The following CDX1 variants were observed in gnomAD, a reference collection of about 807,000 sequenced individuals.
CDX1 encodes the protein caudal type homeobox 1.
CDX1 carries 9 observed loss-of-function variants against 16.9 expected under a neutral mutation model. The ratio of observed to expected loss-of-function variants is 0.53; its 90% CI spans 0.32 to 0.93. The LOEUF is 0.93. Ranked by LOEUF, CDX1 falls within the 40% of genes least tolerant of loss-of-function variation. The pLI is 0.04. For synonymous variants in CDX1, 179 were observed against 179.0 expected (o/e 1.00, Z 0.00); for missense variants, 393 against 386.1 (o/e 1.02, Z -0.15).
chr5:150,175,196 G>C (rs971383224), intron 1 of CDX1, among the ~76,000 whole-genome samples: 6 of 152,184 alleles, frequency 3.9e-5, no homozygotes, highest in African/African-American at 1.4e-4. Context: ...ACCATATAAA[G>C]AAAGTATTCA....
At chr5:150,178,846 C>G (rs1434628273) in intron 1 of CDX1, among the ~76,000 whole-genome samples, 2 of 152,078 alleles carry the variant, frequency 1.3e-5, no homozygotes, top group South Asian at 4.1e-4. Context: ...ACTATTCTGT[C>G]TTGCTTTTTT....
chr5:150,182,795 G>C lies in CDX1; in HGVS notation c.473G>C (p.Arg158Pro). The C allele has an allele frequency of 6.2e-7, 1 of 1,603,812 alleles. No individual in the cohort carries two copies. The highest frequency in any genetic ancestry group is 8.5e-7 in the Non-Finnish European group (1 of 1,175,534). Residue 158 changes from arginine (R) to proline (P), a missense_variant, in exon 2 of 3, where the codon CGC becomes CCC. Transcript: ENST00000231656. ...SGKTRTKDKY[R>P]VVYTDHQRLE... ...AAGACTCGGACCAAGGACAAGTACC[G>C]CGTGGTCTACACCGACCACCAACGC...
At position 150,183,607 on chromosome 5, in the gene CDX1, G is replaced by A. The variant is rs757163745; in HGVS notation, c.725G>A (p.Gly242Asp). 208 of 1,609,532 alleles carry A rather than the reference G, an allele frequency of 1.3e-4. No homozygotes were observed. Among genetic ancestry groups the A allele is most frequent in the Middle Eastern group, 1.7e-4 (1 of 6,056 alleles). The change falls in exon 3 of 3, where the codon GGC (glycine) becomes GAC (aspartate). Residue 242 changes from glycine (G) to aspartate (D), a missense_variant. Gly to Asp is a moderately conservative substitution (Grantham distance 94). Coordinates refer to ENST00000231656, the MANE Select transcript of CDX1 (RefSeq NM_001804.3). ...TATPAGPSLG[G>D]LCPSNTSLLA... is the part of the protein sequence containing the mutation. ...ACCCCAGCCGGGCCATCCCTGGGGG[G>A]CCTGTGTCCCAGCAACACCAGCCTC...
chr5:150,177,524 GTT>G (rs35779558), intron 1 of CDX1, among the ~76,000 whole-genome samples: 10,417 of 152,218 alleles, frequency 0.068, 362 homozygotes, highest in Middle Eastern at 0.11. Context: ...TGATTGATAG[GTT>G]CTACTGCTGT....
intron 1 of CDX1, among the ~76,000 whole-genome samples, chr5:150,171,518 AGTAGAGACGGGGTTTCACC>A (rs1309345793): frequency 6.6e-6 from 1 of 152,148 alleles, no homozygotes; most frequent in Admixed American, 6.5e-5. Flanking sequence ...TTGTATTTTT[AGTAGAGACGGGGTTTCACC>A]GTGTTAGCCA....
In CDX1 at chr5:150,167,065, G is replaced by T; in HGVS notation, c.189G>T (p.Ala63=). The change falls in exon 1 of 3, where the codon GCG becomes GCT. Residue 63 remains alanine (A), a synonymous_variant. Transcript: ENST00000231656. ...PAPAPPTAWG[A]PFPAPKDDWA... ...CCGCGCCCCCGACGGCCTGGGGGGCGCCCTTCCCTGCGCCCAAGGACGACT... is the reference window on the plus strand; with the variant it reads ...CCGCGCCCCCGACGGCCTGGGGGGCTCCCTTCCCTGCGCCCAAGGACGACT... 7.1e-7 allele frequency: 1 copy of T among 1,417,854 alleles called. No homozygotes were observed. Among genetic ancestry groups the T allele is most frequent in the South Asian group, 1.5e-5 (1 of 67,742 alleles). 87.8% of individuals were successfully genotyped at this position (1,417,854 alleles called of 1,614,324 possible). A position where few individuals can be genotyped will look rare whatever the true frequency, so the allele number is the denominator to read the frequency against.
At chr5:150,178,956 C>T (rs941002785) in intron 1 of CDX1, among the ~76,000 whole-genome samples, 1 of 152,070 alleles carries the variant, frequency 6.6e-6, no homozygotes, top group South Asian at 2.1e-4. Context: ...TGCACCATCC[C>T]TTCTCTCACC....
chr5:150,171,490 C>G lies in CDX1; in HGVS notation c.445+4169C>G, dbSNP rs139415445. Among the ~76,000 whole-genome samples, 600 of 152,310 alleles carry G rather than the reference C, an allele frequency of 3.9e-3. 7 individuals are homozygous for G. The highest frequency in any genetic ancestry group is 0.014 in the African/African-American group (576 of 41,576). The stretch of plus-strand genomic sequence containing the variant: ...AGCTGGGACTACAAGCGCACGCTGT[C>G]ATGCCCGGCTAATTTTTTTGTATTT... On this transcript the variant is annotated intron_variant, in intron 1 of 2. Coordinates refer to ENST00000231656, the MANE Select transcript of CDX1 (RefSeq NM_001804.3).
At chr5:150,173,222 C>G (rs1161138984) in intron 1 of CDX1, among the ~76,000 whole-genome samples, 2 of 152,232 alleles carry the variant, frequency 1.3e-5, no homozygotes, top group Non-Finnish European at 2.9e-5. Flanking sequence ...TTCATTCATT[C>G]AAGCAGGCAA....
At position 150,183,470 on chromosome 5, in the gene CDX1, A is replaced by C. The variant is rs1752496658; in HGVS notation, c.592-4A>C. On this transcript the variant is annotated splice_region_variant and splice_polypyrimidine_tract_variant and intron_variant, in intron 2 of 2. Transcript: ENST00000231656. ...CACTCCATCTCTGTCCTCCAACCCC[A>C]CAGGTGAAGATCTGGTTCCAAAACC... The C allele has an allele frequency of 6.3e-7, 1 of 1,593,876 alleles. No individual in the cohort carries two copies. The highest frequency in any genetic ancestry group is 1.3e-5 in the African/African-American group (1 of 74,462).
At chr5:150,176,575 G>GC (rs925048563) in intron 1 of CDX1, among the ~76,000 whole-genome samples, 15 of 152,324 alleles carry the variant, frequency 9.8e-5, no homozygotes, top group Non-Finnish European at 2.1e-4. Context: ...CAGCAAGGTG[G>GC]CAGGGGGGGC....
intron 1 of CDX1, among the ~76,000 whole-genome samples, chr5:150,173,442 C>T (rs1009058439): frequency 6.6e-6 from 1 of 152,216 alleles, no homozygotes; most frequent in Non-Finnish European, 1.5e-5. Flanking sequence ...AAGCCTCCTT[C>T]TCAACCTCAG....
At chr5:150,174,937 C>T (rs1761549087) in intron 1 of CDX1, among the ~76,000 whole-genome samples, 1 of 152,108 alleles carries the variant, frequency 6.6e-6, no homozygotes, top group South Asian at 2.1e-4. Flanking sequence ...CCACCACGCC[C>T]AGCTAATTAT....
rs759348405 is a variant in CDX1 at position 150,167,252 on chromosome 5, G to C, written c.376G>C (p.Gly126Arg). The C allele has an allele frequency of 2.4e-6, 3 of 1,265,482 alleles. No homozygotes were observed. Among genetic ancestry groups the C allele is most frequent in the Non-Finnish European group, 3.0e-6 (3 of 1,011,644 alleles). 78.4% of individuals were successfully genotyped at this position (1,265,482 alleles called of 1,614,324 possible). A position where few individuals can be genotyped will look rare whatever the true frequency, so the allele number is the denominator to read the frequency against. ...LGGPGTPSSPGAQRPTPYEWM... is the reference protein window; with the variant it reads ...LGGPGTPSSPRAQRPTPYEWM... ...GGGCCCGGGCACACCGTCCTCGCCC[G>C]GAGCGCAGAGGCCGACGCCCTACGA... is the stretch of plus-strand genomic sequence containing the variant. Residue 126 changes from glycine (G) to arginine (R), a missense_variant, in exon 1 of 3, where the codon GGA becomes CGA. Transcript: ENST00000231656.
chr5:150,181,597 T>C (rs1266540949), intron 1 of CDX1, among the ~76,000 whole-genome samples: 1 of 152,172 alleles, frequency 6.6e-6, no homozygotes, highest in African/African-American at 2.4e-5. Flanking sequence ...CTCTTTCCTG[T>C]ACCTCCTTTA....
chr5:150,183,993 C>A lies in CDX1; in HGVS notation c.*313C>A. 1 of 257,838 alleles carries A rather than the reference C, an allele frequency of 3.9e-6. No individual in the cohort carries two copies. The highest frequency in any genetic ancestry group is 7.1e-5 in the East Asian group (1 of 14,158). 16.0% of individuals were successfully genotyped at this position (257,838 alleles called of 1,614,324 possible). A position where few individuals can be genotyped will look rare whatever the true frequency, so the allele number is the denominator to read the frequency against. On this transcript the variant is annotated 3_prime_UTR_variant, in exon 3 of 3. Coordinates refer to ENST00000231656, the MANE Select transcript of CDX1 (RefSeq NM_001804.3). The stretch of plus-strand genomic sequence containing the variant: ...TAGACAAGGCTCCAGGCCCCACCTC[C>A]TCCTCCATACGTTCAGAGGTGCAGC...
rs764001144 is a variant in CDX1 at position 150,183,602 on chromosome 5, G to C, written c.720G>C (p.Leu240=). The change falls in exon 3 of 3, where the codon CTG becomes CTC. Residue 240 remains leucine (L), a synonymous_variant. Transcript: ENST00000231656. ...DITATPAGPS[L]GGLCPSNTSL... is the part of the protein sequence containing the mutation. ...CGGCCACCCCAGCCGGGCCATCCCT[G>C]GGGGGCCTGTGTCCCAGCAACACCA... 7.5e-6 allele frequency: 12 copies of C among 1,609,546 alleles called. No individual in the cohort carries two copies. The highest frequency in any genetic ancestry group is 1.0e-5 in the Non-Finnish European group (12 of 1,177,056).
At chr5:150,170,680 T>G (rs1761493508) in intron 1 of CDX1, among the ~76,000 whole-genome samples, 1 of 152,142 alleles carries the variant, frequency 6.6e-6, no homozygotes, top group Admixed American at 6.6e-5. Context: ...GAAGTGGGGT[T>G]GCTGAGGCTG....
chr5:150,169,310 C>CAA (rs1761474275), intron 1 of CDX1, among the ~76,000 whole-genome samples: 1 of 152,136 alleles, frequency 6.6e-6, no homozygotes, highest in Non-Finnish European at 1.5e-5. Context: ...CGCTTGAAAA[C>CAA]TGTTGTCTGC....
Sources: gnomAD v4.1 joint callset for allele counts (sites outside exome capture counted in the v4.1 genomes callset) on GRCh38, gnomAD v4.1.1 for gene constraint, MANE v1.5 for transcripts, NCBI Gene and HGNC (gene_info 2026-07-23, HGNC 2026-07-21) for gene names.